Variants in MCOLN1 observed in about 807,000 individuals in gnomAD.
The protein encoded by MCOLN1 is mucolipin TRP cation channel 1.
Under a neutral mutation model 70.3 loss-of-function variants are expected in MCOLN1, and 50 were observed. The ratio of observed to expected loss-of-function variants is 0.71; its 90% CI spans 0.57 to 0.90. The LOEUF is 0.90. Ranked by LOEUF, MCOLN1 falls within the 40% of genes least tolerant of loss-of-function variation. The probability of loss-of-function intolerance (pLI) is 0.00; values close to 1 mark genes in which losing one functional copy is unlikely to be tolerated. For synonymous variants in MCOLN1, 366 were observed against 341.0 expected, an observed-to-expected ratio of 1.07 and a Z score of -0.81; for missense variants, 598 against 803.5, an observed-to-expected ratio of 0.74 and a Z score of 3.09.
Position 7,528,802 on chromosome 19 carries a change from C to G in MCOLN1, c.985-19C>G. 1 of 1,614,176 alleles carries G rather than the reference C, an allele frequency of 6.2e-7. No homozygotes were observed. Among genetic ancestry groups the G allele is most frequent in the Non-Finnish European group, 8.5e-7 (1 of 1,180,000 alleles). ...GGTCCTGTGCCTGGTCAGGCCCTCA[C>G]CCCGCCTGCCTTCTGCAGGAGTTTG... On this transcript the variant is annotated intron_variant, in intron 8 of 13. Coordinates refer to ENST00000264079, the MANE Select transcript of MCOLN1 (RefSeq NM_020533.3). This position sits in a 1 kb window ranked among gnomAD's most constrained non-coding sequence, Gnocchi z 4.2.
At chr19:7,532,838 T>C (rs1394861075) in intron 12 of MCOLN1, among the ~76,000 whole-genome samples, 2 of 152,366 alleles carry the variant, frequency 1.3e-5, no homozygotes, top group East Asian at 3.8e-4. Flanking sequence ...GGCTGCCATA[T>C]TGGACAGCAT....
In MCOLN1 at chr19:7,522,662, C is replaced by A; in HGVS notation, c.-89C>A. 1 of 1,340,218 alleles carries A rather than the reference C, an allele frequency of 7.5e-7. No homozygotes were observed. The allele number at this position is 1,340,218 out of a possible 1,614,324, so 83.0% of individuals were successfully genotyped here. ...TGCCGGAGGGTTTGAAGCCGCGCCG[C>A]GAGGGAGCGAGGTCGCAGTGACAGC... On this transcript the variant is annotated 5_prime_UTR_variant, in exon 1 of 14. Coordinates refer to ENST00000264079, the MANE Select transcript of MCOLN1 (RefSeq NM_020533.3).
In MCOLN1 at chr19:7,527,543, G is replaced by C; in HGVS notation, c.595G>C (p.Glu199Gln). The C allele has an allele frequency of 1.9e-6, 3 of 1,556,340 alleles. No individual in the cohort carries two copies. In the South Asian group the frequency reaches 3.3e-5, roughly 17 times the overall value. ...VTDCIQVDPP[E>Q]RPPPPPSDDL... ...AGACTGCATCCAGGTGGATCCCCCC[G>C]AGCGGCCCCCTCCGCCCCCCAGCGA... The change falls in exon 5 of 14, where the codon GAG becomes CAG. Residue 199 changes from glutamate (E) to glutamine (Q), a missense_variant. Glu to Gln is a conservative substitution (Grantham distance 29). Coordinates refer to ENST00000264079, the MANE Select transcript of MCOLN1 (RefSeq NM_020533.3).
At position 7,527,959 on chromosome 19, in the gene MCOLN1, T is replaced by C. The variant is rs371812721; in HGVS notation, c.776T>C (p.Leu259Pro). The part of the protein sequence containing the change: ...EIPDCYTFSV[L>P]ITFDNKAHSG... ...CCGGACTGCTATACCTTCAGCGTCC[T>C]GGTGAGGCCCCCCGGGAACCCACAG... The change falls in exon 6 of 14, where the codon CTG becomes CCG. Residue 259 changes from leucine to proline, a missense_variant and splice_region_variant. Around this residue, in one of 3 missense-constraint regions of MCOLN1, gnomAD observed 461 missense variants for 588.4 expected, o/e 0.78. Transcript: ENST00000264079. 1 of 1,613,026 alleles carries C rather than the reference T, an allele frequency of 6.2e-7. No individual in the cohort carries two copies. The highest frequency in any genetic ancestry group is 8.5e-7 in the Non-Finnish European group (1 of 1,179,010).
At chr19:7,529,510 C>CCCCCCCCCCCCACAGGGGG in intron 10 of MCOLN1, 80 bp from the exon 11 acceptor site, 1 of 912,890 alleles carries the variant, frequency 1.1e-6, no homozygotes. Context: ...GGCCCCGCCC[C>CCCCCCCCCCCCACAGGGGG]TCCCACCCCC....
chr19:7,533,055 C>A (rs968037403), intron 12 of MCOLN1, among the ~76,000 whole-genome samples: 3 of 152,250 alleles, frequency 2.0e-5, no homozygotes, highest in African/African-American at 7.2e-5. Context: ...GGTACACCCC[C>A]TTTTCCCCAT....
intron 10 of MCOLN1, 133 bp downstream of exon 10, chr19:7,529,335 C>T: frequency 1.1e-6 from 1 of 937,836 alleles, no homozygotes; most frequent in Non-Finnish European, 1.7e-6. Flanking sequence ...CTGCCCACAC[C>T]AGATATATCT....
At chr19:7,529,459 C>A in intron 10 of MCOLN1, 131 bp from the exon 11 acceptor site, 1 of 1,209,702 alleles carries the variant, frequency 8.3e-7, no homozygotes, top group Non-Finnish European at 1.2e-6. Context: ...CCTCTAGGCA[C>A]CCACTGGCTC....
Position 7,527,856 on chromosome 19 carries a change from C to T in MCOLN1, c.681-8C>T. 1 of 1,612,218 alleles carries T rather than the reference C, an allele frequency of 6.2e-7. No individual in the cohort carries two copies. Among genetic ancestry groups the T allele is most frequent in the Middle Eastern group, 1.7e-4 (1 of 6,060 alleles). On this transcript the variant is annotated splice_polypyrimidine_tract_variant and splice_region_variant and intron_variant, in intron 5 of 13. Transcript: ENST00000264079. ...CGCCCCTGACCCTCACCCGAGCCTCCTGCCTAGGCTGGTCAATGTCACCAT... is the reference window on the plus strand; with the variant it reads ...CGCCCCTGACCCTCACCCGAGCCTCTTGCCTAGGCTGGTCAATGTCACCAT...
chr19:7,531,152 C>T (rs2022648661), intron 12 of MCOLN1, among the ~76,000 whole-genome samples: 1 of 152,206 alleles, frequency 6.6e-6, no homozygotes, highest in Admixed American at 6.5e-5. Context: ...CCCACTTTGG[C>T]CTCCCAAAGT....
chr19:7,523,376 G>T (rs1414659807), intron 1 of MCOLN1, among the ~76,000 whole-genome samples: 2 of 152,222 alleles, frequency 1.3e-5, no homozygotes, highest in East Asian at 3.9e-4. Flanking sequence ...AGCTAGCTGG[G>T]GACCCCTACC....
rs2022605211 is a variant in MCOLN1 at position 7,528,510 on chromosome 19, C to A, written c.878-87C>A. The A allele has an allele frequency of 6.4e-7, 1 of 1,564,982 alleles. No homozygotes were observed. Among genetic ancestry groups the A allele is most frequent in the African/African-American group, 1.4e-5 (1 of 73,560 alleles). On this transcript the variant is annotated intron_variant, in intron 7 of 13. Transcript: ENST00000264079. This position sits in a 1 kb window ranked among gnomAD's most constrained non-coding sequence, Gnocchi z 4.2. The stretch of plus-strand genomic sequence containing the variant: ...CAACCAAAACCAGCCGTGCAGCCCC[C>A]TAGGTCTCCAGCCTGGCCTGGCACC...
intron 4 of MCOLN1, 132 bp downstream of exon 4, chr19:7,527,058 T>G (rs2022582203): frequency 8.1e-7 from 1 of 1,239,378 alleles, no homozygotes. Flanking sequence ...AAGGATTGCT[T>G]GAGGCCAGAA....
chr19:7,528,769 GC>G lies in MCOLN1; in HGVS notation c.985-51del. 6.8e-6 allele frequency: 11 copies of G among 1,614,130 alleles called. No homozygotes were observed. Among genetic ancestry groups the G allele is most frequent in the Non-Finnish European group, 9.3e-6 (11 of 1,179,984 alleles). On this transcript the variant is annotated intron_variant, in intron 8 of 13. Coordinates refer to ENST00000264079, the MANE Select transcript of MCOLN1 (RefSeq NM_020533.3). The surrounding 1 kb of genome is among the most constrained non-coding windows in gnomAD (Gnocchi z 4.2). ...TGGCCCTGGGGCGATAAAAGCCAGGGCTTTGAGGGTCCTGTGCCTGGTCAGG... is the reference window on the plus strand; with the variant it reads ...TGGCCCTGGGGCGATAAAAGCCAGGGTTTGAGGGTCCTGTGCCTGGTCAGG...
chr19:7,527,675 C>T (rs2146023674), intron 5 of MCOLN1, 47 bp downstream of exon 5: 1 of 1,331,024 alleles, frequency 7.5e-7, no homozygotes. Context: ...GGAGGCAGCA[C>T]ACTAGGCACT....
intron 12 of MCOLN1, 24 bp downstream of exon 12, chr19:7,530,525 G>C (rs1334076489): frequency 1.2e-6 from 2 of 1,600,146 alleles, no homozygotes; most frequent in Non-Finnish European, 1.7e-6. Flanking sequence ...ACCCAGCCCT[G>C]AGCTCGGGCT....
At position 7,527,521 on chromosome 19, in the gene MCOLN1, C is replaced by G; in HGVS notation, c.573C>G (p.Asp191Glu). 1 of 1,466,716 alleles carries G rather than the reference C, an allele frequency of 6.8e-7. No homozygotes were observed. Among genetic ancestry groups the G allele is most frequent in the South Asian group, 1.1e-5 (1 of 88,192 alleles). 90.9% of individuals were successfully genotyped at this position (1,466,716 alleles called of 1,614,324 possible). A position where few individuals can be genotyped will look rare whatever the true frequency, so the allele number is the denominator to read the frequency against. Residue 191 changes from aspartate (D) to glutamate (E), a missense_variant and splice_region_variant, in exon 5 of 14, where the codon GAC becomes GAG. Physicochemically the swap from Asp to Glu is conservative, Grantham distance 45. Coordinates refer to ENST00000264079, the MANE Select transcript of MCOLN1 (RefSeq NM_020533.3). ...TFDIDPMVVT[D>E]CIQVDPPERP... Reference sequence around the variant, plus strand: ...CCTTCCCTGACTCCCTGTCCTTAGACTGCATCCAGGTGGATCCCCCCGAGC... The same window carrying G: ...CCTTCCCTGACTCCCTGTCCTTAGAGTGCATCCAGGTGGATCCCCCCGAGC...
At position 7,528,294 on chromosome 19, in the gene MCOLN1, G is replaced by T. The variant is rs769400370; in HGVS notation, c.877+37G>T. ...AGCCCCAGACCAGCACTGACCAGGG[G>T]CCCTGGCCTGTCCTGGGATTCCCCA... On this transcript the variant is annotated intron_variant, in intron 7 of 13. Transcript: ENST00000264079. This position sits in a 1 kb window ranked among gnomAD's most constrained non-coding sequence, Gnocchi z 4.2. The T allele has an allele frequency of 3.8e-6, 6 of 1,574,502 alleles. No individual in the cohort carries two copies. The highest frequency in any genetic ancestry group is 5.2e-6 in the Non-Finnish European group (6 of 1,144,672).
rs983723784 is a variant in MCOLN1, at chr19:7,522,646, G to A, written c.-105G>A. The A allele has an allele frequency of 7.9e-6, 10 of 1,259,070 alleles. No homozygotes were observed. The highest frequency in any genetic ancestry group is 1.1e-5 in the Non-Finnish European group (10 of 945,536). 78.0% of individuals were successfully genotyped at this position (1,259,070 alleles called of 1,614,324 possible). ...GGCACAGATCAGCTGATGCCGGAGG[G>A]TTTGAAGCCGCGCCGCGAGGGAGCG... On this transcript the variant is annotated 5_prime_UTR_variant, in exon 1 of 14. Transcript: ENST00000264079.
Sources: gnomAD v4.1 joint callset for allele counts (sites outside exome capture counted in the v4.1 genomes callset) on GRCh38, gnomAD v4.1.1 for gene constraint, gnomAD v4.1.1 regional missense constraint, Gnocchi (gnomAD v3.1) non-coding constraint, MANE v1.5 for transcripts, NCBI Gene and HGNC (gene_info 2026-07-23, HGNC 2026-07-21) for gene names.